Variants in OTULIN observed in about 807,000 individuals in gnomAD.
OTULIN encodes the protein OTU deubiquitinase with linear linkage specificity.
In OTULIN, 15 loss-of-function variants were observed where a neutral mutation model predicts 39.6. The ratio of observed to expected loss-of-function variants is 0.38; its 90% confidence interval spans 0.25 to 0.58. OTULIN has a LOEUF of 0.58. Among genes scored for constraint, OTULIN ranks in the 20% least tolerant of loss-of-function variants. The pLI is 0.66. For synonymous variants in OTULIN, 156 were observed against 170.3 expected, an observed-to-expected ratio of 0.92 and a Z score of 0.65; for missense variants, 319 against 445.9, an observed-to-expected ratio of 0.72 and a Z score of 2.56.
intron 1 of OTULIN, among the ~76,000 whole-genome samples, chr5:14,666,525 C>T (rs1053596074): frequency 1.1e-4 from 17 of 152,206 alleles, no homozygotes; most frequent in Non-Finnish European, 2.2e-4. Context: ...TTCTGGGCTT[C>T]CTCAGCAAAA....
intron 4 of OTULIN, among the ~76,000 whole-genome samples, chr5:14,684,220 T>G (rs956710327): frequency 1.3e-5 from 2 of 152,204 alleles, no homozygotes; most frequent in African/African-American, 4.8e-5. Context: ...GTGGGTTTGA[T>G]ATTTATGTTT....
chr5:14,675,195 C>CA (rs1044870999), intron 2 of OTULIN, among the ~76,000 whole-genome samples: 4 of 151,836 alleles, frequency 2.6e-5, no homozygotes, highest in African/African-American at 9.7e-5. Context: ...ATTATGGTGC[C>CA]AAAAAAAATT....
At chr5:14,678,146 T>C (rs148157344) in intron 2 of OTULIN, among the ~76,000 whole-genome samples, 55 of 152,300 alleles carry the variant, frequency 3.6e-4, no homozygotes, top group African/African-American at 1.2e-3. Flanking sequence ...AGAGCAAAAG[T>C]GTACGTGATA....
Position 14,693,159 on chromosome 5 carries a change from G to A in OTULIN, c.*111G>A. 1 of 1,082,930 alleles carries A rather than the reference G, an allele frequency of 9.2e-7. No homozygotes were observed. The highest frequency in any genetic ancestry group is 1.3e-6 in the Non-Finnish European group (1 of 770,726). 67.1% of individuals were successfully genotyped at this position (1,082,930 alleles called of 1,614,324 possible). A position where few individuals can be genotyped will look rare whatever the true frequency, so the allele number is the denominator to read the frequency against. On this transcript the variant is annotated 3_prime_UTR_variant, in exon 7 of 7. Coordinates refer to ENST00000284274, the MANE Select transcript of OTULIN (RefSeq NM_138348.6). ...AGAACAATCTCTGAGAAGAACCCTT[G>A]GGCCCCTGGGAGCCAAGTTGGACAG...
Position 14,690,433 on chromosome 5 carries a change from T to C in OTULIN, c.864+125T>C. On this transcript the variant is annotated intron_variant, in intron 6 of 6. Transcript: ENST00000284274. This position sits in a 1 kb window ranked among gnomAD's most constrained non-coding sequence, Gnocchi z 4.5. ...TTAGTTGGATGGTTCTGGCTCAGGA[T>C]GTCATGAGGCTGCAGTTGTATGTTC... is the stretch of plus-strand genomic sequence containing the variant. The C allele has an allele frequency of 8.6e-7, 1 of 1,158,528 alleles. No individual in the cohort carries two copies. 71.8% of individuals were successfully genotyped at this position (1,158,528 alleles called of 1,614,324 possible). A position where few individuals can be genotyped will look rare whatever the true frequency, so the allele number is the denominator to read the frequency against.
chr5:14,691,651 A>G (rs1452412773), intron 6 of OTULIN, among the ~76,000 whole-genome samples: 3 of 150,666 alleles, frequency 2.0e-5, no homozygotes, highest in Non-Finnish European at 4.4e-5. Flanking sequence ...AAATACATAT[A>G]CCATAAAGTT....
At chr5:14,665,028 C>A in intron 1 of OTULIN, 51 bp downstream of exon 1, 1 of 1,029,740 alleles carries the variant, frequency 9.7e-7, no homozygotes. Context: ...GGCTCGGTCC[C>A]CTCCGGAAGC....
chr5:14,687,629 A>T lies in OTULIN; in HGVS notation c.577A>T (p.Thr193Ser), dbSNP rs768531615. The change falls in exon 5 of 7, where the codon ACT (threonine) becomes TCT (serine). Residue 193 changes from threonine (T) to serine (S), a missense_variant. By Grantham distance (58) the Thr-to-Ser change is moderately conservative. Coordinates refer to ENST00000284274, the MANE Select transcript of OTULIN (RefSeq NM_138348.6). The stretch of plus-strand genomic sequence containing the variant: ...GGTTGATAAAATTAAAGAGTCCCTT[A>T]CTCTGCTGAGGAAGAAGGTTTGGAA... ...DLVDKIKESL[T>S]LLRKKWAGLA... 1.2e-6 allele frequency: 2 copies of T among 1,612,860 alleles called. No homozygotes were observed. Among genetic ancestry groups the T allele is most frequent in the Non-Finnish European group, 1.7e-6 (2 of 1,179,706 alleles).
At chr5:14,712,443 G>T in the OTULIN span, among the ~76,000 whole-genome samples, 2 of 152,190 alleles carry the variant, frequency 1.3e-5, no homozygotes, top group African/African-American at 4.8e-5. Flanking sequence ...TCTCTGCTCC[G>T]CCCATGACCA....
At chr5:14,706,138 A>C in the OTULIN span, 1 of 152,214 alleles carries the variant, frequency 6.6e-6, no homozygotes, top group Non-Finnish European at 1.5e-5. Context: ...TTACATATAC[A>C]TATTGTAGAC....
At chr5:14,715,991 T>A in the OTULIN span, among the ~76,000 whole-genome samples, 24 of 152,210 alleles carry the variant, frequency 1.6e-4, no homozygotes, top group Non-Finnish European at 2.8e-4. Context: ...AGCAATACGC[T>A]CACTCTATTT....
chr5:14,710,837 C>T, the OTULIN span: 4 of 338,428 alleles, frequency 1.2e-5, no homozygotes, highest in African/African-American at 6.4e-5. Flanking sequence ...TGCAGGGTGA[C>T]CGAGGCGCGA....
At chr5:14,709,476 G>C in the OTULIN span, 2 of 152,222 alleles carry the variant, frequency 1.3e-5, no homozygotes, top group African/African-American at 4.8e-5. Context: ...GGGTACCCAG[G>C]AATGTGAATG....
rs185332939 is a variant in OTULIN, at chr5:14,684,932, T to C, written c.469-2589T>C. On this transcript the variant is annotated intron_variant, in intron 4 of 6. Coordinates refer to ENST00000284274, the MANE Select transcript of OTULIN (RefSeq NM_138348.6). ...TCTGACAGTTCGGCTGTCCCTCACC[T>C]CCTGTCATCCTGCCCAGGTGTCCTG... Among the ~76,000 whole-genome samples the C allele has an allele frequency of 7.9e-5, 12 of 152,294 alleles. No individual in the cohort carries two copies. The East Asian group carries it at 2.3e-3, about 29-fold the overall frequency.
At chr5:14,714,587 C>CA in the OTULIN span, among the ~76,000 whole-genome samples, 1 of 152,156 alleles carries the variant, frequency 6.6e-6, no homozygotes, top group Non-Finnish European at 1.5e-5. Flanking sequence ...CTTGGTCTAA[C>CA]AGTGTGTCCT....
At chr5:14,685,272 A>G (rs1285204213) in intron 4 of OTULIN, among the ~76,000 whole-genome samples, 1 of 152,238 alleles carries the variant, frequency 6.6e-6, no homozygotes, top group African/African-American at 2.4e-5. Flanking sequence ...TTACCGGCAT[A>G]TGCTAGAGAA....
the OTULIN span, chr5:14,710,906 C>T: frequency 1.5e-5 from 6 of 408,780 alleles, no homozygotes; most frequent in South Asian, 6.3e-5. Context: ...GAGGACACAA[C>T]GTCAACCGTG....
chr5:14,704,687 G>C (rs988080428), downstream of OTULIN: 1 of 152,122 alleles, frequency 6.6e-6, no homozygotes, highest in Non-Finnish European at 1.5e-5. Flanking sequence ...AATCTCTCAG[G>C]TAAATTTGAT....
chr5:14,696,760 G>A lies in OTULIN; in HGVS notation c.*3712G>A, dbSNP rs534294108. 1 of 152,256 alleles carries A rather than the reference G, an allele frequency of 6.6e-6. No individual in the cohort carries two copies. The allele number at this position is 152,256 out of a possible 1,614,324, so 9.4% of individuals were successfully genotyped here. Reference sequence around the variant, plus strand: ...TAAAATTTAAGTCCCTTATTTAACAGAAGTATGTATTTTAATGCTTAACTG... The same window carrying A: ...TAAAATTTAAGTCCCTTATTTAACAAAAGTATGTATTTTAATGCTTAACTG... On this transcript the variant is annotated 3_prime_UTR_variant, in exon 7 of 7. Coordinates refer to ENST00000284274, the MANE Select transcript of OTULIN (RefSeq NM_138348.6).
Sources: gnomAD v4.1 joint callset for allele counts (sites outside exome capture counted in the v4.1 genomes callset) on GRCh38, gnomAD v4.1.1 for gene constraint, Gnocchi (gnomAD v3.1) non-coding constraint, MANE v1.5 for transcripts, NCBI Gene and HGNC (gene_info 2026-07-23, HGNC 2026-07-21) for gene names.